The following SEPTIN9 variants were observed in gnomAD, a reference collection of about 807,000 sequenced individuals.
The protein encoded by SEPTIN9 is septin 9.
SEPTIN9 carries 13 observed loss-of-function variants against 56.6 expected under a neutral mutation model. The ratio of observed to expected loss-of-function variants is 0.23; its 90% CI spans 0.15 to 0.37. The LOEUF is 0.37. SEPTIN9 is among the 10% of genes least tolerant of loss of function. The probability of loss-of-function intolerance (pLI) is 1.00; values close to 1 mark genes in which losing one functional copy is unlikely to be tolerated. For synonymous variants in SEPTIN9, 332 were observed against 334.1 expected, an observed-to-expected ratio of 0.99 and a Z score of 0.07; for missense variants, 650 against 823.1, an observed-to-expected ratio of 0.79 and a Z score of 2.57.
intron 10 of SEPTIN9, among the ~76,000 whole-genome samples, chr17:77,495,158 CAG>C (rs1346956231): frequency 3.4e-5 from 5 of 148,352 alleles, no homozygotes; most frequent in Non-Finnish European, 7.5e-5. Context: ...TGGCCGGTGA[CAG>C]AAACTGTCAG....
intron 2 of SEPTIN9, among the ~76,000 whole-genome samples, chr17:77,388,850 T>C (rs562016566): frequency 7.1e-6 from 1 of 140,090 alleles, no homozygotes; most frequent in Admixed American, 7.3e-5. Flanking sequence ...TTTTAAGTGC[T>C]TGTAACATTT....
At chr17:77,485,169 GT>G (rs199651193) in intron 4 of SEPTIN9, among the ~76,000 whole-genome samples, 1,697 of 95,508 alleles carry the variant, frequency 0.018, 189 homozygotes, top group African/African-American at 0.058. Flanking sequence ...TGATGGTAAT[GT>G]GGGTGATGGT....
chr17:77,320,109 T>G (rs2032852653), intron 2 of SEPTIN9: 1 of 1,451,628 alleles, frequency 6.9e-7, no homozygotes, highest in Non-Finnish European at 9.1e-7. Context: ...TACTTCAGTT[T>G]GGAGCACAAA....
chr17:77,352,869 T>C (rs2034109154), intron 2 of SEPTIN9, among the ~76,000 whole-genome samples: 1 of 151,964 alleles, frequency 6.6e-6, no homozygotes, highest in Admixed American at 6.6e-5. Context: ...CCCAGGCTGG[T>C]CTCAAACTCC....
rs2040389804 is a variant in SEPTIN9 at position 77,498,801 on chromosome 17, G to C, written c.*143G>C. On this transcript the variant is annotated 3_prime_UTR_variant, in exon 12 of 12. Coordinates refer to ENST00000427177, the MANE Select transcript of SEPTIN9 (RefSeq NM_001113491.2). ...CCTTCGACATGCTGCCAGGAAACAA[G>C]GGAAGGGGCCTCCCTCCGAGTGAGT... 4 of 630,492 alleles carry C rather than the reference G, an allele frequency of 6.3e-6. No homozygotes were observed. Among genetic ancestry groups the C allele is most frequent in the Admixed American group, 4.5e-5 (2 of 44,742 alleles). The allele number at this position is 630,492 out of a possible 1,614,324, so 39.1% of individuals were successfully genotyped here.
chr17:77,295,005 G>A (rs946198994), intron 1 of SEPTIN9: 2 of 152,098 alleles, frequency 1.3e-5, no homozygotes, highest in African/African-American at 4.8e-5. Context: ...AATATAACCC[G>A]ACCAAAGCCA....
chr17:77,359,809 T>C (rs924040956), intron 2 of SEPTIN9, among the ~76,000 whole-genome samples: 4 of 146,458 alleles, frequency 2.7e-5, no homozygotes, highest in African/African-American at 1.0e-4. Flanking sequence ...AACAATAAAA[T>C]AAAATCAAAG....
At chr17:77,347,707 A>G (rs75669369) in intron 2 of SEPTIN9, among the ~76,000 whole-genome samples, 27,771 of 151,866 alleles carry the variant, frequency 0.18, 2,956 homozygotes, top group Admixed American at 0.28. Context: ...CAACTTTACC[A>G]TGGTGCGAAC....
chr17:77,443,536 T>C (rs908879832), intron 3 of SEPTIN9, among the ~76,000 whole-genome samples: 64 of 152,174 alleles, frequency 4.2e-4, no homozygotes, highest in African/African-American at 1.4e-3. Context: ...CTCACGCCTA[T>C]AATCCCAGCA....
At position 77,330,237 on chromosome 17, in the gene SEPTIN9, C is replaced by T. The variant is rs1054642326; in HGVS notation, c.76+23040C>T. Among the ~76,000 whole-genome samples the T allele has an allele frequency of 7.2e-5, 11 of 152,238 alleles. No homozygotes were observed. Among genetic ancestry groups the T allele is most frequent in the African/African-American group, 2.4e-4 (10 of 41,462 alleles). On this transcript the variant is annotated intron_variant, in intron 2 of 11. Transcript: ENST00000427177. This position sits in a 1 kb window ranked among gnomAD's most constrained non-coding sequence, Gnocchi z 4.4. ...GGGGGGACTTCCCCCTCTTGGAGCA[C>T]CTGCTGCTCCGGGTGCCTCTGGGGG...
At chr17:77,494,656 G>A (rs191995831) in intron 10 of SEPTIN9, among the ~76,000 whole-genome samples, 5 of 152,338 alleles carry the variant, frequency 3.3e-5, no homozygotes, top group Non-Finnish European at 5.9e-5. Context: ...GGGTTATCTC[G>A]TTTCATGTCC....
At position 77,484,623 on chromosome 17, in the gene SEPTIN9, GGAT is replaced by G. The variant is rs1235563259; in HGVS notation, c.913+2296_913+2298del. On this transcript the variant is annotated intron_variant, in intron 4 of 11. Transcript: ENST00000427177. ...ATGGTGGTGGTGATGGTGGTGATGGGGATGATGATGGTGATTGTGATGGGGGTG... is the reference window on the plus strand; with the variant it reads ...ATGGTGGTGGTGATGGTGGTGATGGGGATGATGGTGATTGTGATGGGGGTG... Among the ~76,000 whole-genome samples, 283 of 98,618 alleles carry G rather than the reference GGAT, an allele frequency of 2.9e-3. 10 individuals carry two copies. The highest frequency in any genetic ancestry group is 0.013 in the African/African-American group (269 of 19,978). 64.7% of individuals were successfully genotyped at this position (98,618 alleles called of 152,430 possible).
intron 3 of SEPTIN9, among the ~76,000 whole-genome samples, chr17:77,468,056 G>C (rs2038826103): frequency 6.6e-6 from 1 of 152,110 alleles, no homozygotes; most frequent in Non-Finnish European, 1.5e-5. Flanking sequence ...ACGAGGTCAG[G>C]AGATCGAGAC....
chr17:77,428,392 T>A (rs551705816), intron 3 of SEPTIN9, among the ~76,000 whole-genome samples: 1 of 152,146 alleles, frequency 6.6e-6, no homozygotes, highest in East Asian at 1.9e-4. Flanking sequence ...GAGTGACAGG[T>A]GGACACTGTA....
chr17:77,380,425 T>G (rs1325370692), intron 2 of SEPTIN9, among the ~76,000 whole-genome samples: 2 of 151,704 alleles, frequency 1.3e-5, no homozygotes, highest in Admixed American at 1.3e-4. Context: ...TTTCTGAATA[T>G]CCCCCTACAG....
rs2040387620 is a variant in SEPTIN9 at position 77,498,732 on chromosome 17, AT to A, written c.*78del. On this transcript the variant is annotated 3_prime_UTR_variant, in exon 12 of 12. Coordinates refer to ENST00000427177, the MANE Select transcript of SEPTIN9 (RefSeq NM_001113491.2). ...CCCCCCCAGGCCCTCCCACCACCCC[AT>A]TTTATTTTATATGATTTTCTCCATT... is the stretch of plus-strand genomic sequence containing the variant. 1 of 431,544 alleles carries A rather than the reference AT, an allele frequency of 2.3e-6. No homozygotes were observed. Among genetic ancestry groups the A allele is most frequent in the Non-Finnish European group, 3.4e-6 (1 of 295,260 alleles). The allele number at this position is 431,544 out of a possible 1,614,324, so 26.7% of individuals were successfully genotyped here. A position where few individuals can be genotyped will look rare whatever the true frequency, so the allele number is the denominator to read the frequency against.
chr17:77,487,449 C>T lies in SEPTIN9; in HGVS notation c.939C>T (p.Thr313=). 1 of 1,607,786 alleles carries T rather than the reference C, an allele frequency of 6.2e-7. No individual in the cohort carries two copies. ...VVGQSGLGKS[T]LINTLFKSKI... is the part of the protein sequence containing the mutation. ...GGCAGAGCGGCTTGGGTAAATCCAC[C>T]TTAATCAACACCCTCTTCAAATCCA... Residue 313 remains threonine, a synonymous_variant, in exon 5 of 12, where the codon ACC becomes ACT. Transcript: ENST00000427177. The surrounding 1 kb of genome is among the most constrained non-coding windows in gnomAD (Gnocchi z 4.3).
Position 77,330,603 on chromosome 17 carries a change from G to A in SEPTIN9, c.76+23406G>A, listed in dbSNP as rs1287775197. Among the ~76,000 whole-genome samples, 3 of 152,232 alleles carry A rather than the reference G, an allele frequency of 2.0e-5. No individual in the cohort carries two copies. Among genetic ancestry groups the A allele is most frequent in the African/African-American group, 7.2e-5 (3 of 41,464 alleles). On this transcript the variant is annotated intron_variant, in intron 2 of 11. Coordinates refer to ENST00000427177, the MANE Select transcript of SEPTIN9 (RefSeq NM_001113491.2). The surrounding 1 kb of genome is among the most constrained non-coding windows in gnomAD (Gnocchi z 4.4). ...GAGACAACAGGGATTCAAAGAAGTC[G>A]GGAGTGGGGGCACCTGTGCAGCTCA...
chr17:77,355,214 C>G (rs1400076691), intron 2 of SEPTIN9, among the ~76,000 whole-genome samples: 1 of 152,204 alleles, frequency 6.6e-6, no homozygotes, highest in East Asian at 1.9e-4. Flanking sequence ...CCCAGCATCT[C>G]CCTTTGGGGT....
Sources: allele counts gnomAD v4.1 joint callset (sites outside exome capture counted in the v4.1 genomes callset), GRCh38; gene constraint gnomAD v4.1.1; non-coding constraint Gnocchi (gnomAD v3.1); transcripts MANE v1.5; gene names NCBI Gene and HGNC (gene_info 2026-07-23, HGNC 2026-07-21).